Variants in ANKRD54 observed in about 807,000 individuals in gnomAD.
ANKRD54 encodes ankyrin repeat domain-containing protein 54.
ANKRD54 carries 26 observed loss-of-function variants against 36.2 expected under a neutral mutation model. That is an observed-to-expected ratio of 0.72 (90% CI 0.53 to 1.00). The LOEUF is 1.00. Among genes scored for constraint, ANKRD54 ranks in the 50% least tolerant of loss-of-function variants. The pLI is 0.00. For missense variants in ANKRD54, 384 were observed against 424.3 expected (o/e 0.91, Z 0.83); for synonymous variants, 209 against 188.4 (o/e 1.11, Z -0.89).
intron 3 of ANKRD54, among the ~76,000 whole-genome samples, chr22:37,837,537 C>G (rs1255595422): frequency 2.0e-5 from 3 of 152,210 alleles, no homozygotes; most frequent in Admixed American, 2.0e-4. Context: ...ACCCTGGACT[C>G]AGAACCCGAG....
intron 1 of ANKRD54, chr22:37,843,643 T>C (rs562910538): frequency 1.9e-3 from 488 of 251,662 alleles, no homozygotes; most frequent in Non-Finnish European, 3.0e-3. Context: ...CCAATAAGCG[T>C]TCCGAGTCAT....
chr22:37,833,645 C>G, intron 4 of ANKRD54, 39 bp downstream of exon 4: 1 of 1,608,674 alleles, frequency 6.2e-7, no homozygotes, highest in South Asian at 1.1e-5. Flanking sequence ...CCTTTCTTTG[C>G]TGCAAATGAG....
At chr22:37,835,325 GCACTC>G (rs1923385420) in intron 3 of ANKRD54, among the ~76,000 whole-genome samples, 1 of 152,170 alleles carries the variant, frequency 6.6e-6, no homozygotes, top group Middle Eastern at 3.4e-3. Context: ...TCACACCACT[GCACTC>G]CAGCCTAGGC....
upstream of ANKRD54, chr22:37,848,237 T>A (rs182765164): frequency 2.6e-5 from 4 of 152,276 alleles, no homozygotes; most frequent in East Asian, 7.7e-4. Flanking sequence ...ACCTTGAGGG[T>A]TTCCCCTGGC....
upstream of ANKRD54, chr22:37,848,601 G>T (rs1036656732): frequency 6.6e-6 from 1 of 151,886 alleles, no homozygotes; most frequent in Non-Finnish European, 1.5e-5. Flanking sequence ...TCGCCATTTC[G>T]GCCAGGCTGG....
rs1298023303 is a variant in ANKRD54 at position 37,832,027 on chromosome 22, G to A, written c.829-10C>T. On this transcript the variant is annotated splice_polypyrimidine_tract_variant and intron_variant, in intron 7 of 7. Coordinates refer to ENST00000215941, the MANE Select transcript of ANKRD54 (RefSeq NM_138797.4). ...CAGTCACTTCATCCACCTGCAGGAC[G>A]GAACAGAGGCTCTGTTATGGGACAC... 8 of 1,610,788 alleles carry A rather than the reference G, an allele frequency of 5.0e-6. No homozygotes were observed. The highest frequency in any genetic ancestry group is 1.1e-5 in the South Asian group (1 of 90,384).
intron 3 of ANKRD54, among the ~76,000 whole-genome samples, chr22:37,835,285 C>T (rs549178223): frequency 6.6e-6 from 1 of 152,022 alleles, no homozygotes; most frequent in Non-Finnish European, 1.5e-5. Flanking sequence ...TAGCTTGAAC[C>T]TGGGGAGCAG....
chr22:37,848,996 T>C, upstream of ANKRD54: 2 of 257,910 alleles, frequency 7.8e-6, no homozygotes, highest in Non-Finnish European at 1.5e-5. Flanking sequence ...AACCCTCTTA[T>C]TCTTTTTAGA....
upstream of ANKRD54, chr22:37,849,289 G>A (rs771202199): frequency 1.2e-5 from 10 of 868,726 alleles, 1 homozygote; most frequent in East Asian, 4.9e-5. Context: ...ACGGAACGCG[G>A]CTCCTCTTCC....
In ANKRD54 at chr22:37,835,311, A is replaced by G. The variant is rs1923383729; in HGVS notation, c.476-1556T>C. The stretch of plus-strand genomic sequence containing the variant: ...TGGGGAGCAGAGCTTGCAGTGAGCC[A>G]AGATCACACCACTGCACTCCAGCCT... On this transcript the variant is annotated intron_variant, in intron 3 of 7. Coordinates refer to ENST00000215941, the MANE Select transcript of ANKRD54 (RefSeq NM_138797.4). Among the ~76,000 whole-genome samples, 3 of 152,032 alleles carry G rather than the reference A, an allele frequency of 2.0e-5. No individual in the cohort carries two copies. In the South Asian group the frequency reaches 6.2e-4, roughly 32 times the overall value.
rs2145966209 is a variant in ANKRD54, at chr22:37,835,981, C to A, written c.476-2226G>T. Among the ~76,000 whole-genome samples the A allele has an allele frequency of 1.3e-5, 2 of 152,054 alleles. 1 individual carries two copies. Among genetic ancestry groups the A allele is most frequent in the South Asian group, 4.2e-4 (2 of 4,812 alleles). On this transcript the variant is annotated intron_variant, in intron 3 of 7. Coordinates refer to ENST00000215941, the MANE Select transcript of ANKRD54 (RefSeq NM_138797.4). ...CAGCGAGTAGCTGGAACTACAGGCA[C>A]CCGCCACCACACCCGGCTAAGTTTT...
chr22:37,832,472 C>T (rs547690661), intron 7 of ANKRD54, among the ~76,000 whole-genome samples, 165 bp downstream of exon 7: 2 of 152,326 alleles, frequency 1.3e-5, no homozygotes, highest in African/African-American at 4.8e-5. Context: ...AAGTGATCCT[C>T]CCACTTCAGC....
At chr22:37,846,740 T>A (rs1415426411), upstream of ANKRD54, among the ~76,000 whole-genome samples, 1 of 152,154 alleles carries the variant, frequency 6.6e-6, no homozygotes, top group Admixed American at 6.5e-5. Context: ...GAAAATCTTC[T>A]GACTTCACAA....
Position 37,832,561 on chromosome 22 carries a change from G to C in ANKRD54, c.828+76C>G, listed in dbSNP as rs916971008. On this transcript the variant is annotated intron_variant, in intron 7 of 7. Transcript: ENST00000215941. ...CAGCCTCTTTCTGATACGAGTGTCT[G>C]GTGGCATCGGAGCAGGGTGGACTGG... 2.3e-5 allele frequency: 31 copies of C among 1,342,562 alleles called. No individual in the cohort carries two copies. In the East Asian group the frequency reaches 6.7e-4, roughly 29 times the overall value. The allele number at this position is 1,342,562 out of a possible 1,614,324, so 83.2% of individuals were successfully genotyped here. A position where few individuals can be genotyped will look rare whatever the true frequency, so the allele number is the denominator to read the frequency against.
At chr22:37,832,850 G>A (rs1233058081) in intron 6 of ANKRD54, 106 bp from the exon 7 acceptor site, 2 of 1,605,322 alleles carry the variant, frequency 1.2e-6, no homozygotes, top group African/African-American at 2.7e-5. Flanking sequence ...GGGTCAGTGT[G>A]AAACAACCCA....
chr22:37,844,048 G>A lies in ANKRD54; in HGVS notation c.191C>T (p.Pro64Leu), dbSNP rs1924630890. Residue 64 changes from proline (P) to leucine (L), a missense_variant, in exon 1 of 8, where the codon CCG becomes CTG. Coordinates refer to ENST00000215941, the MANE Select transcript of ANKRD54 (RefSeq NM_138797.4). ...CCACAGGACGTGCAAGTAGCGCAGC[G>A]GCGACTGGGCCCCGCCGGACGCCCG... ...SGRASGGAQS[P>L]LRYLHVLWQQ... The A allele has an allele frequency of 2.1e-6, 3 of 1,437,244 alleles. No homozygotes were observed. The highest frequency in any genetic ancestry group is 2.7e-6 in the Non-Finnish European group (3 of 1,102,664). 89.0% of individuals were successfully genotyped at this position (1,437,244 alleles called of 1,614,324 possible). A position where few individuals can be genotyped will look rare whatever the true frequency, so the allele number is the denominator to read the frequency against.
upstream of ANKRD54, among the ~76,000 whole-genome samples, chr22:37,846,116 G>A (rs6000906): frequency 0.73 from 109,973 of 150,622 alleles, 41,295 homozygotes; most frequent in African/African-American, 0.91. Context: ...CAGAGCTTGC[G>A]GTGAGCCGAG....
chr22:37,835,420 C>G (rs1923397296), intron 3 of ANKRD54, among the ~76,000 whole-genome samples: 1 of 151,792 alleles, frequency 6.6e-6, no homozygotes, highest in South Asian at 2.1e-4. Context: ...CAAAGTATAC[C>G]ACTCAGAAAA....
intron 3 of ANKRD54, among the ~76,000 whole-genome samples, chr22:37,836,462 A>AG (rs1923557822): frequency 6.6e-6 from 1 of 150,500 alleles, no homozygotes; most frequent in East Asian, 2.0e-4. Flanking sequence ...AAAAAAAAAA[A>AG]AAAAAAAAAA....
Sources: allele counts gnomAD v4.1 joint callset (sites outside exome capture counted in the v4.1 genomes callset), GRCh38; gene constraint gnomAD v4.1.1; transcripts MANE v1.5; gene names NCBI Gene and HGNC (gene_info 2026-07-23, HGNC 2026-07-21).